The following B3GNT9 variants were observed in gnomAD, a reference collection of about 807,000 sequenced individuals.
The protein encoded by B3GNT9 is BGnT-9.
For missense variants in B3GNT9, 669 were observed against 599.2 expected, an observed-to-expected ratio of 1.12 and a Z score of -1.22; for synonymous variants, 359 against 283.9, an observed-to-expected ratio of 1.26 and a Z score of -2.66.
chr16:67,149,559 G>C lies in B3GNT9; in HGVS notation c.927C>G (p.Val309=). Reference sequence around the variant, plus strand: ...AGACGTCGTCGATGGGGAAGAGCTCGACCTGCGCACAGGCGCCAGCCAGGC... The same window carrying C: ...AGACGTCGTCGATGGGGAAGAGCTCCACCTGCGCACAGGCGCCAGCCAGGC... ...LHRLAGACAQ[V]ELFPIDDVFL... Residue 309 remains valine (V), a synonymous_variant, in exon 2 of 2, where the codon GTC becomes GTG. Transcript: ENST00000449549. The C allele has an allele frequency of 1.9e-6, 3 of 1,607,446 alleles. No homozygotes were observed. Among genetic ancestry groups the C allele is most frequent in the Non-Finnish European group, 2.5e-6 (3 of 1,177,258 alleles).
Position 67,150,283 on chromosome 16 carries a change from T to C in B3GNT9, c.203A>G (p.Tyr68Cys). The part of the protein sequence containing the change: ...LPDAGAAPPA[Y>C]EGDTPAPPTP... ...GGGCGGCGCCGGTGTGTCCCCTTCGTAGGCCGGCGGGGCTGCACCCGCGTC... is the reference window on the plus strand; with the variant it reads ...GGGCGGCGCCGGTGTGTCCCCTTCGCAGGCCGGCGGGGCTGCACCCGCGTC... The change falls in exon 2 of 2, where the codon TAC (tyrosine) becomes TGC (cysteine). Residue 68 changes from tyrosine to cysteine, a missense_variant. By Grantham distance (194) the Tyr-to-Cys change is radical. Coordinates refer to ENST00000449549, the MANE Select transcript of B3GNT9 (RefSeq NM_033309.3). 1.4e-6 allele frequency: 2 copies of C among 1,445,396 alleles called. No homozygotes were observed. Among genetic ancestry groups the C allele is most frequent in the Non-Finnish European group, 9.1e-7 (1 of 1,094,414 alleles). 89.5% of individuals were successfully genotyped at this position (1,445,396 alleles called of 1,614,324 possible). A position where few individuals can be genotyped will look rare whatever the true frequency, so the allele number is the denominator to read the frequency against.
chr16:67,149,548 G>C lies in B3GNT9; in HGVS notation c.938C>G (p.Pro313Arg). The C allele has an allele frequency of 6.2e-7, 1 of 1,608,742 alleles. No homozygotes were observed. The highest frequency in any genetic ancestry group is 2.2e-5 in the East Asian group (1 of 44,578). The change falls in exon 2 of 2, where the codon CCC (proline) becomes CGC (arginine). Residue 313 changes from proline (P) to arginine (R), a missense_variant. Physicochemically the swap from Pro to Arg is moderately radical, Grantham distance 103. Transcript: ENST00000449549. Reference sequence around the variant, plus strand: ...CATGCCCAGAAAGACGTCGTCGATGGGGAAGAGCTCGACCTGCGCACAGGC... The same window carrying C: ...CATGCCCAGAAAGACGTCGTCGATGCGGAAGAGCTCGACCTGCGCACAGGC... ...AGACAQVELF[P>R]IDDVFLGMCL...
In B3GNT9 at chr16:67,150,032, G is replaced by A. The variant is rs773592746; in HGVS notation, c.454C>T (p.Arg152Cys). ...EGRVQGALVRRVFLLGVPRGA... is the reference protein window; with the variant it reads ...EGRVQGALVRCVFLLGVPRGA... ...CTGGGCACGCCCAGCAAGAACACGC[G>A]GCGCACCAGCGCCCCCTGCACGCGA... Residue 152 changes from arginine (R) to cysteine (C), a missense_variant, in exon 2 of 2, where the codon CGC becomes TGC. By Grantham distance (180) the Arg-to-Cys change is radical. Coordinates refer to ENST00000449549, the MANE Select transcript of B3GNT9 (RefSeq NM_033309.3). The A allele has an allele frequency of 2.4e-5, 36 of 1,514,586 alleles. No homozygotes were observed. Among genetic ancestry groups the A allele is most frequent in the Non-Finnish European group, 3.1e-5 (35 of 1,132,624 alleles). 93.8% of individuals were successfully genotyped at this position (1,514,586 alleles called of 1,614,324 possible). A position where few individuals can be genotyped will look rare whatever the true frequency, so the allele number is the denominator to read the frequency against.
In B3GNT9 at chr16:67,149,781, G is replaced by C. The variant is rs752112048; in HGVS notation, c.705C>G (p.Asn235Lys). The C allele has an allele frequency of 1.5e-5, 24 of 1,613,772 alleles. No individual in the cohort carries two copies. The South Asian group carries it at 2.6e-4, about 18-fold the overall frequency. ...VFKGDADVFVNVGNLLEFLAP... is the reference protein window; with the variant it reads ...VFKGDADVFVKVGNLLEFLAP... ...CCAGGAACTCCAGGAGATTTCCCAC[G>C]TTCACGAACACATCTGCGTCGCCCT... is the stretch of plus-strand genomic sequence containing the variant. Residue 235 changes from asparagine to lysine, a missense_variant, in exon 2 of 2, where the codon AAC becomes AAG. Physicochemically the swap from Asn to Lys is moderately conservative, Grantham distance 94 (BLOSUM62 0). Coordinates refer to ENST00000449549, the MANE Select transcript of B3GNT9 (RefSeq NM_033309.3).
At position 67,149,634 on chromosome 16, in the gene B3GNT9, C is replaced by T; in HGVS notation, c.852G>A (p.Pro284=). The T allele has an allele frequency of 1.9e-6, 3 of 1,601,256 alleles. No homozygotes were observed. Among genetic ancestry groups the T allele is most frequent in the South Asian group, 1.1e-5 (1 of 89,764 alleles). The change falls in exon 2 of 2, where the codon CCG becomes CCA. Residue 284 remains proline, a synonymous_variant. Transcript: ENST00000449549. ...CAAAGCCACCGCCGCCCGCGTAGGC[C>T]GGATAGGCGGGCAGGCCGTACACGG... ...PEAVYGLPAY[P]AYAGGGGFVL...
In B3GNT9 at chr16:67,149,807, T is replaced by C; in HGVS notation, c.679A>G (p.Lys227Glu). ...AFCPDVRFVF[K>E]GDADVFVNVG... ...TTCACGAACACATCTGCGTCGCCCT[T>C]AAAAACGAAGCGCACGTCGGGGCAG... Residue 227 changes from lysine to glutamate, a missense_variant, in exon 2 of 2, where the codon AAG (lysine) becomes GAG (glutamate). Coordinates refer to ENST00000449549, the MANE Select transcript of B3GNT9 (RefSeq NM_033309.3). The C allele has an allele frequency of 6.2e-7, 1 of 1,613,812 alleles. No homozygotes were observed. The highest frequency in any genetic ancestry group is 1.7e-5 in the Admixed American group (1 of 60,016).
chr16:67,150,564 C>G lies in B3GNT9; in HGVS notation c.-79G>C. ...GGGCAGCGAGCCCCGCCCTCCCCAG[C>G]TGAGGGGGCGGGAGGCCACGCCCCG... On this transcript the variant is annotated 5_prime_UTR_variant, in exon 2 of 2. Transcript: ENST00000449549. 1 of 1,190,102 alleles carries G rather than the reference C, an allele frequency of 8.4e-7. No individual in the cohort carries two copies. The highest frequency in any genetic ancestry group is 3.8e-5 in the South Asian group (1 of 26,220). 73.7% of individuals were successfully genotyped at this position (1,190,102 alleles called of 1,614,324 possible).
chr16:67,150,239 CA>C lies in B3GNT9; in HGVS notation c.246del (p.Phe82LeufsTer123). 1 of 1,542,692 alleles carries C rather than the reference CA, an allele frequency of 6.5e-7. No individual in the cohort carries two copies. Among genetic ancestry groups the C allele is most frequent in the Non-Finnish European group, 8.7e-7 (1 of 1,145,530 alleles). On this transcript the variant is annotated frameshift_variant, in exon 2 of 2. Coordinates refer to ENST00000449549, the MANE Select transcript of B3GNT9 (RefSeq NM_033309.3). LOFTEE classifies it low-confidence loss of function (END_TRUNC). The stretch of plus-strand genomic sequence containing the variant: ...TTGGCGCGCAAATAGCGGGCGAAGT[CA>C]AAGGGTCCCGTAGGCGTGGGCGGCG... ...TPAPPTPTGPFDFARYLRAKD... is the reference protein window; with the variant it reads ...TPAPPTPTGPXDFARYLRAKD...
Position 67,150,426 on chromosome 16 carries a change from G to A in B3GNT9, c.60C>T (p.Ser20=). 7.4e-7 allele frequency: 1 copy of A among 1,359,204 alleles called. No individual in the cohort carries two copies. Among genetic ancestry groups the A allele is most frequent in the Non-Finnish European group, 9.4e-7 (1 of 1,059,392 alleles). The allele number at this position is 1,359,204 out of a possible 1,614,324, so 84.2% of individuals were successfully genotyped here. A position where few individuals can be genotyped will look rare whatever the true frequency, so the allele number is the denominator to read the frequency against. ...DALLTLLLGA[S]LGLLLYAQRD... is the part of the protein sequence containing the mutation. ...GCTGCGCATAGAGTAAGAGGCCCAGGGAGGCGCCAAGGAGCAGCGTGAGCA... is the reference window on the plus strand; with the variant it reads ...GCTGCGCATAGAGTAAGAGGCCCAGAGAGGCGCCAAGGAGCAGCGTGAGCA... Residue 20 remains serine (S), a synonymous_variant, in exon 2 of 2, where the codon TCC becomes TCT. Coordinates refer to ENST00000449549, the MANE Select transcript of B3GNT9 (RefSeq NM_033309.3).
At chr16:67,150,716 CCTCAG>C in intron 1 of B3GNT9, 45 bp from the exon 2 acceptor site, 1 of 383,204 alleles carries the variant, frequency 2.6e-6, no homozygotes, top group African/African-American at 2.1e-5. Context: ...TCCCCCGCGG[CCTCAG>C]CTCCGGCCCA....
In B3GNT9 at chr16:67,149,307, GACAGGCTGTGGATGCGC is replaced by G. The variant is rs1303018545; in HGVS notation, c.1162_1178del (p.Ala388ArgfsTer71). On this transcript the variant is annotated frameshift_variant, in exon 2 of 2. Transcript: ENST00000449549. LOFTEE classifies it high-confidence loss of function. ...AGTCCCATTGGAAGGGGCCTGCAGC[GACAGGCTGTGGATGCGC>G]ACAGGCTGGCCCATGCGGCCCGTGC... 5.1e-6 allele frequency: 8 copies of G among 1,565,524 alleles called. No homozygotes were observed. The highest frequency in any genetic ancestry group is 6.9e-6 in the Non-Finnish European group (8 of 1,154,572).
intron 1 of B3GNT9, 78 bp from the exon 2 acceptor site, chr16:67,150,749 C>G (rs926041168): frequency 1.7e-5 from 6 of 345,024 alleles, no homozygotes; most frequent in African/African-American, 2.1e-5. Context: ...GACCCAGGGC[C>G]GGGCAGGGAG....
Position 67,149,382 on chromosome 16 carries a change from C to T in B3GNT9, c.1104G>A (p.Ser368=). The change falls in exon 2 of 2, where the codon TCG becomes TCA. Residue 368 remains serine (S), a synonymous_variant. Coordinates refer to ENST00000449549, the MANE Select transcript of B3GNT9 (RefSeq NM_033309.3). ...YRELVVVHGL[S]AADIWLMWRL... is the part of the protein sequence containing the mutation. ...GCCACATAAGCCAGATGTCAGCGGC[C>T]GAGAGCCCGTGCACTACAACCAGCT... The T allele has an allele frequency of 1.2e-6, 2 of 1,602,152 alleles. No homozygotes were observed. Among genetic ancestry groups the T allele is most frequent in the Non-Finnish European group, 8.5e-7 (1 of 1,174,590 alleles).
chr16:67,149,122 G>A lies in B3GNT9; in HGVS notation c.*155C>T, dbSNP rs921373369. Reference sequence around the variant, plus strand: ...ACACGGGTTTCAACTGGTTCCAGCAGGGTGGACCGCCAGGAGCCAAGCTTA... The same window carrying A: ...ACACGGGTTTCAACTGGTTCCAGCAAGGTGGACCGCCAGGAGCCAAGCTTA... On this transcript the variant is annotated 3_prime_UTR_variant, in exon 2 of 2. Coordinates refer to ENST00000449549, the MANE Select transcript of B3GNT9 (RefSeq NM_033309.3). 2.9e-6 allele frequency: 4 copies of A among 1,396,798 alleles called. No homozygotes were observed. In the African/African-American group the frequency reaches 5.9e-5, roughly 20 times the overall value. The allele number at this position is 1,396,798 out of a possible 1,614,324, so 86.5% of individuals were successfully genotyped here.
Position 67,149,882 on chromosome 16 carries a change from A to T in B3GNT9, c.604T>A (p.Phe202Ile). The change falls in exon 2 of 2, where the codon TTT becomes ATT. Residue 202 changes from phenylalanine (F) to isoleucine (I), a missense_variant. Phe to Ile is a conservative substitution (Grantham distance 21). Coordinates refer to ENST00000449549, the MANE Select transcript of B3GNT9 (RefSeq NM_033309.3). ...TGGATCTCCTTGAGCGTTAGGTTAA[A>T]AAAGGTGTCGTCGAAGGCCCAGAGC... is the stretch of plus-strand genomic sequence containing the variant. ...ILLWAFDDTF[F>I]NLTLKEIHFL... 1 of 1,612,328 alleles carries T rather than the reference A, an allele frequency of 6.2e-7. No individual in the cohort carries two copies. Among genetic ancestry groups the T allele is most frequent in the Non-Finnish European group, 8.5e-7 (1 of 1,179,076 alleles).
At position 67,150,168 on chromosome 16, in the gene B3GNT9, G is replaced by A. The variant is rs775583262; in HGVS notation, c.318C>T (p.Cys106=). 3.2e-6 allele frequency: 5 copies of A among 1,549,734 alleles called. No homozygotes were observed. Among genetic ancestry groups the A allele is most frequent in the Non-Finnish European group, 4.3e-6 (5 of 1,151,646 alleles). Reference sequence around the variant, plus strand: ...GGCCACCGGGTGCGCCGTCGCCGCGGCACTTGTGCGGCTGGTTAATGAGCA... The same window carrying A: ...GGCCACCGGGTGCGCCGTCGCCGCGACACTTGTGCGGCTGGTTAATGAGCA... ...FPLLINQPHK[C]RGDGAPGGRP... is the part of the protein sequence containing the mutation. The change falls in exon 2 of 2, where the codon TGC becomes TGT. Residue 106 remains cysteine (C), a synonymous_variant. Coordinates refer to ENST00000449549, the MANE Select transcript of B3GNT9 (RefSeq NM_033309.3).
In B3GNT9 at chr16:67,150,592, G is replaced by A; in HGVS notation, c.-107C>T. 1.0e-6 allele frequency: 1 copy of A among 980,518 alleles called. No homozygotes were observed. Among genetic ancestry groups the A allele is most frequent in the Non-Finnish European group, 1.3e-6 (1 of 756,116 alleles). The allele number at this position is 980,518 out of a possible 1,614,324, so 60.7% of individuals were successfully genotyped here. A position where few individuals can be genotyped will look rare whatever the true frequency, so the allele number is the denominator to read the frequency against. ...AGGGGGCGGGAGGCCACGCCCCGGGGGGGGCTCCAGCGACCGACGGTTGAG... is the reference window on the plus strand; with the variant it reads ...AGGGGGCGGGAGGCCACGCCCCGGGAGGGGCTCCAGCGACCGACGGTTGAG... On this transcript the variant is annotated 5_prime_UTR_variant, in exon 2 of 2. Coordinates refer to ENST00000449549, the MANE Select transcript of B3GNT9 (RefSeq NM_033309.3).
Position 67,150,357 on chromosome 16 carries a change from C to A in B3GNT9, c.129G>T (p.Gly43=). Reference sequence around the variant, plus strand: ...CGGGGGTGGGCCTCGGTGCCGCCCTCCCTCGCCCTCGCGGCGCGCTCGCCG... The same window carrying A: ...CGGGGGTGGGCCTCGGTGCCGCCCTACCTCGCCCTCGCGGCGCGCTCGCCG... ...APTASAPRGR[G]RAAPRPTPGP... The change falls in exon 2 of 2, where the codon GGG becomes GGT. Residue 43 remains glycine (G), a synonymous_variant. Coordinates refer to ENST00000449549, the MANE Select transcript of B3GNT9 (RefSeq NM_033309.3). 1 of 1,350,964 alleles carries A rather than the reference C, an allele frequency of 7.4e-7. No homozygotes were observed. The highest frequency in any genetic ancestry group is 9.5e-7 in the Non-Finnish European group (1 of 1,052,008). The allele number at this position is 1,350,964 out of a possible 1,614,324, so 83.7% of individuals were successfully genotyped here. A position where few individuals can be genotyped will look rare whatever the true frequency, so the allele number is the denominator to read the frequency against.
chr16:67,149,039 G>T lies in B3GNT9; in HGVS notation c.*238C>A. The T allele has an allele frequency of 1.3e-6, 1 of 748,542 alleles. No individual in the cohort carries two copies. The allele number at this position is 748,542 out of a possible 1,614,324, so 46.4% of individuals were successfully genotyped here. ...AGACATATCCACTGCTCTGGGACCT[G>T]TTGGACAAGAGATGGTCATCTACCA... On this transcript the variant is annotated 3_prime_UTR_variant, in exon 2 of 2. Coordinates refer to ENST00000449549, the MANE Select transcript of B3GNT9 (RefSeq NM_033309.3).
Sources: gnomAD v4.1 joint callset for allele counts on GRCh38, gnomAD v4.1.1 for gene constraint, MANE v1.5 for transcripts, NCBI Gene and HGNC (gene_info 2026-07-23, HGNC 2026-07-21) for gene names.